Variants in RPA1 observed in about 807,000 individuals in gnomAD.
RPA1 encodes replication protein A 70 kDa DNA-binding subunit.
A neutral mutation model predicts 83.0 loss-of-function variants in RPA1; 49 were observed. The observed-to-expected ratio is 0.59, with a 90% confidence interval of 0.47 to 0.75. The LOEUF (loss-of-function observed/expected upper bound fraction) is 0.75, where lower values mean the gene tolerates loss of function less well. Among genes scored for constraint, RPA1 ranks in the 30% least tolerant of loss-of-function variants. RPA1 has a pLI of 0.00. For missense variants in RPA1, 693 were observed against 776.1 expected, an observed-to-expected ratio of 0.89 and a Z score of 1.27; for synonymous variants, 279 against 281.8, an observed-to-expected ratio of 0.99 and a Z score of 0.10.
rs144507811 is a variant in RPA1, at chr17:1,854,581, G to A, written c.361+1392G>A. On this transcript the variant is annotated intron_variant, in intron 5 of 16. Transcript: ENST00000254719. ...TAGCCAGGTGTGGTGGCTCACACCT[G>A]TAGTCTCAGCTACTTGGGAGGATGA... Among the ~76,000 whole-genome samples the A allele has an allele frequency of 3.7e-3, 563 of 152,200 alleles. 6 individuals carry two copies. Among genetic ancestry groups the A allele is most frequent in the African/African-American group, 0.013 (525 of 41,506 alleles).
Position 1,879,556 on chromosome 17 carries a change from T to C in RPA1, c.953-4T>C. ...CCTCCTGCTAACACGTGCATGTGTTTTAGACATCATCGGGATCTGCAAGAG... is the reference window on the plus strand; with the variant it reads ...CCTCCTGCTAACACGTGCATGTGTTCTAGACATCATCGGGATCTGCAAGAG... On this transcript the variant is annotated splice_polypyrimidine_tract_variant and splice_region_variant and intron_variant, in intron 10 of 16. Coordinates refer to ENST00000254719, the MANE Select transcript of RPA1 (RefSeq NM_002945.5). 6.2e-7 allele frequency: 1 copy of C among 1,614,164 alleles called. No homozygotes were observed. The highest frequency in any genetic ancestry group is 8.5e-7 in the Non-Finnish European group (1 of 1,180,030).
chr17:1,896,562 C>G (rs1914435660), intron 16 of RPA1, among the ~76,000 whole-genome samples: 3 of 152,092 alleles, frequency 2.0e-5, no homozygotes, highest in Admixed American at 6.6e-5. Flanking sequence ...GCCATTCAGC[C>G]CCATCGTGTC....
At chr17:1,892,054 T>C in intron 15 of RPA1, 114 bp downstream of exon 15, 1 of 565,986 alleles carries the variant, frequency 1.8e-6, no homozygotes. Context: ...TTTCCTAGGC[T>C]GGAGTGCAGT....
chr17:1,888,706 T>C lies in RPA1; in HGVS notation c.1406T>C (p.Val469Ala), dbSNP rs773604164. The C allele has an allele frequency of 6.2e-7, 1 of 1,614,094 alleles. No homozygotes were observed. Among genetic ancestry groups the C allele is most frequent in the Non-Finnish European group, 8.5e-7 (1 of 1,179,996 alleles). ...PDYFSSVATV[V>A]YLRKENCMYQ... Reference sequence around the variant, plus strand: ...TACTTTAGTTCTGTGGCCACAGTGGTGTATCTTCGCAAAGAGAACTGCATG... The same window carrying C: ...TACTTTAGTTCTGTGGCCACAGTGGCGTATCTTCGCAAAGAGAACTGCATG... The change falls in exon 14 of 17, where the codon GTG becomes GCG. Residue 469 changes from valine (V) to alanine (A), a missense_variant. Transcript: ENST00000254719.
At chr17:1,863,100 T>C (rs1913046951) in intron 5 of RPA1, among the ~76,000 whole-genome samples, 1 of 152,054 alleles carries the variant, frequency 6.6e-6, no homozygotes, top group African/African-American at 2.4e-5. Context: ...AAGGGCTTAC[T>C]GTAGCCTCAA....
rs1417571895 is a variant in RPA1 at position 1,897,084 on chromosome 17, T to G, written c.1760T>G (p.Ile587Ser). The change falls in exon 17 of 17, where the codon ATT (isoleucine) becomes AGT (serine). Residue 587 changes from isoleucine (I) to serine (S), a missense_variant. Coordinates refer to ENST00000254719, the MANE Select transcript of RPA1 (RefSeq NM_002945.5). ...CCCTTTTTGAAGGACGAGTCTCGAA[T>G]TAAGGCCACTGTGATGGACGTGAAG... ...KVETYNDESR[I>S]KATVMDVKPV... is the part of the protein sequence containing the mutation. 2 of 1,571,906 alleles carry G rather than the reference T, an allele frequency of 1.3e-6. No individual in the cohort carries two copies. Among genetic ancestry groups the G allele is most frequent in the Non-Finnish European group, 1.7e-6 (2 of 1,158,298 alleles).
chr17:1,867,614 G>A (rs953291010), intron 5 of RPA1, among the ~76,000 whole-genome samples: 6 of 152,110 alleles, frequency 3.9e-5, no homozygotes, highest in African/African-American at 7.2e-5. Context: ...GGGAAGTCGA[G>A]GTGGGAGGAT....
Position 1,884,468 on chromosome 17 carries a change from T to A in RPA1, c.1374+524T>A, listed in dbSNP as rs1019541717. On this transcript the variant is annotated intron_variant, in intron 13 of 16. Transcript: ENST00000254719. This position sits in a 1 kb window ranked among gnomAD's most constrained non-coding sequence, Gnocchi z 4.1. Reference sequence around the variant, plus strand: ...CTGACATTTGACTTTTAGTTGCAGCTTTTTCCTTTCAGTGTTTGTATTTAA... The same window carrying A: ...CTGACATTTGACTTTTAGTTGCAGCATTTTCCTTTCAGTGTTTGTATTTAA... Among the ~76,000 whole-genome samples the A allele has an allele frequency of 6.6e-6, 1 of 152,188 alleles. No individual in the cohort carries two copies. The highest frequency in any genetic ancestry group is 6.5e-5 in the Admixed American group (1 of 15,278).
intron 6 of RPA1, among the ~76,000 whole-genome samples, chr17:1,874,009 AAAAAT>A (rs1428542110): frequency 2.0e-5 from 2 of 100,276 alleles, no homozygotes; most frequent in African/African-American, 4.8e-5. Context: ...AAAAAAAAAA[AAAAAT>A]ATATATATAT....
At chr17:1,870,065 C>T (rs1913321415) in intron 5 of RPA1, among the ~76,000 whole-genome samples, 1 of 152,140 alleles carries the variant, frequency 6.6e-6, no homozygotes, top group South Asian at 2.1e-4. Flanking sequence ...TCGGTTCAAG[C>T]AGATGTCCTG....
At chr17:1,886,819 C>G (rs900370158) in intron 13 of RPA1, among the ~76,000 whole-genome samples, 34 of 151,342 alleles carry the variant, frequency 2.2e-4, no homozygotes, top group Admixed American at 2.0e-3. Context: ...CAGGTGCACA[C>G]CACCGTGCCC....
At chr17:1,874,032 T>TATATATATATATACAC (rs1171343408) in intron 6 of RPA1, among the ~76,000 whole-genome samples, 38 of 79,236 alleles carry the variant, frequency 4.8e-4, no homozygotes, top group African/African-American at 2.2e-3. Flanking sequence ...TATATATATA[T>TATATATATATATACAC]ACACACACAC....
chr17:1,838,557 C>T (rs571923243), intron 1 of RPA1, among the ~76,000 whole-genome samples: 68 of 149,568 alleles, frequency 4.5e-4, no homozygotes, highest in African/African-American at 1.2e-3. Context: ...GAGCCAAGAT[C>T]GCACCATTGC....
In RPA1 at chr17:1,831,851, G is replaced by A. The variant is rs542759878; in HGVS notation, c.33+1725G>A. Among the ~76,000 whole-genome samples the A allele has an allele frequency of 1.5e-4, 22 of 149,644 alleles. No homozygotes were observed. The South Asian group carries it at 2.3e-3, about 16-fold the overall frequency. On this transcript the variant is annotated intron_variant, in intron 1 of 16. Transcript: ENST00000254719. ...CCTGACCTTGTGATTCGCCCGCCTC[G>A]GCCTCCCAAAGTGTTGGGGTTACAG...
intron 8 of RPA1, 31 bp from the exon 9 acceptor site, chr17:1,878,962 G>T: frequency 1.9e-6 from 3 of 1,612,710 alleles, no homozygotes; most frequent in South Asian, 1.1e-5. Flanking sequence ...GTTCAATCCC[G>T]CAGCCCTAAC....
intron 13 of RPA1, among the ~76,000 whole-genome samples, chr17:1,886,601 C>T (rs953525368): frequency 6.6e-6 from 1 of 152,220 alleles, no homozygotes; most frequent in Admixed American, 6.5e-5. Context: ...TGCAGCTTCT[C>T]CATCAGCACT....
chr17:1,840,682 T>C (rs534268367), intron 1 of RPA1, among the ~76,000 whole-genome samples: 3 of 152,202 alleles, frequency 2.0e-5, no homozygotes, highest in Admixed American at 6.5e-5. Flanking sequence ...ATGCTGGGAT[T>C]ATAGGCAAGA....
intron 12 of RPA1, 26 bp downstream of exon 12, chr17:1,880,717 G>A (rs1308128763): frequency 3.1e-6 from 5 of 1,608,570 alleles, no homozygotes; most frequent in South Asian, 1.1e-5. Flanking sequence ...CTAAACAAAG[G>A]GTTACTTGAG....
intron 12 of RPA1, among the ~76,000 whole-genome samples, chr17:1,882,655 ACT>A (rs1335356688): frequency 6.6e-6 from 1 of 152,034 alleles, no homozygotes; most frequent in African/African-American, 2.4e-5. Context: ...ACAAAGCAAG[ACT>A]CTGTCTCAAA....
Sources: allele counts gnomAD v4.1 joint callset (sites outside exome capture counted in the v4.1 genomes callset), GRCh38; gene constraint gnomAD v4.1.1; non-coding constraint Gnocchi (gnomAD v3.1); transcripts MANE v1.5; gene names NCBI Gene and HGNC (gene_info 2026-07-23, HGNC 2026-07-21).